ANKFN1: variants seen among roughly 807,000 people sequenced by gnomAD.
ANKFN1 encodes the protein ankyrin repeat and fibronectin type III domain containing 1, also known as ankyrin repeat and fibronectin type-III domain-containing protein 1.
In ANKFN1, 74 loss-of-function variants were observed where a neutral mutation model predicts 108.7. The ratio of observed to expected loss-of-function variants is 0.68; its 90% CI spans 0.56 to 0.83. The LOEUF is 0.83. Among genes scored for constraint, ANKFN1 ranks in the 40% least tolerant of loss-of-function variants. The pLI is 0.00. For missense variants in ANKFN1, 1,505 were observed against 1,382.3 expected (o/e 1.09, Z -1.41); for synonymous variants, 547 against 516.2 (o/e 1.06, Z -0.81).
At chr17:56,467,011 G>T (rs573124838) in intron 15 of ANKFN1, among the ~76,000 whole-genome samples, 2 of 152,076 alleles carry the variant, frequency 1.3e-5, no homozygotes, top group Non-Finnish European at 2.9e-5. Flanking sequence ...CAGCTGCTTG[G>T]GGGGCTGAGG....
chr17:56,430,423 TTAGG>T (rs2048714135), intron 8 of ANKFN1, among the ~76,000 whole-genome samples: 1 of 151,450 alleles, frequency 6.6e-6, no homozygotes, highest in South Asian at 2.1e-4. Context: ...AAAGTTATAG[TTAGG>T]TAGACTTCAG....
intron 4 of ANKFN1, among the ~76,000 whole-genome samples, chr17:56,117,250 A>G (rs1906337602): frequency 6.6e-6 from 1 of 152,164 alleles, no homozygotes; most frequent in Admixed American, 6.5e-5. Context: ...CTATTTGTTG[A>G]ATTTTCTATG....
intron 2 of ANKFN1, among the ~76,000 whole-genome samples, chr17:56,219,609 A>C (rs577870977): frequency 5.8e-4 from 88 of 152,340 alleles, no homozygotes; most frequent in Non-Finnish European, 1.0e-3. Context: ...TGATATTGAC[A>C]TGCTTTCTGA....
intron 14 of ANKFN1, among the ~76,000 whole-genome samples, chr17:56,465,114 T>C (rs1331718906): frequency 6.6e-6 from 1 of 152,146 alleles, no homozygotes; most frequent in Admixed American, 6.5e-5. Flanking sequence ...TTTTTCCTTT[T>C]TCACTAGCCA....
intron 1 of ANKFN1, among the ~76,000 whole-genome samples, chr17:56,189,273 C>T (rs1031347146): frequency 4.1e-4 from 58 of 142,688 alleles, no homozygotes; most frequent in Non-Finnish European, 4.7e-4. Context: ...CGGGTTCACG[C>T]CATTCTCCTG....
At chr17:56,376,134 C>A (rs1409372602) in intron 8 of ANKFN1, among the ~76,000 whole-genome samples, 1 of 152,132 alleles carries the variant, frequency 6.6e-6, no homozygotes, top group Admixed American at 6.5e-5. Context: ...CTCTCTCTGC[C>A]CACAAACATG....
chr17:56,257,873 C>G (rs543924615), intron 3 of ANKFN1: 99 of 152,346 alleles, frequency 6.5e-4, no homozygotes, highest in African/African-American at 2.3e-3. Flanking sequence ...GTCCTCTTCC[C>G]TCTCTCTAAC....
rs1056764717 is a variant in ANKFN1 at position 56,512,420 on chromosome 17, C to T, written c.*1151C>T. ...CCTCAAAATCATCTGGCCCAATTGG[C>T]ATCAGGGAAAATATGCTCAGAAGCC... On this transcript the variant is annotated 3_prime_UTR_variant, in exon 21 of 21. Transcript: ENST00000682825. Among the ~76,000 whole-genome samples the T allele has an allele frequency of 6.6e-6, 1 of 152,206 alleles. No individual in the cohort carries two copies. The highest frequency in any genetic ancestry group is 2.4e-5 in the African/African-American group (1 of 41,452).
chr17:56,385,269 G>A (rs2047227106), intron 8 of ANKFN1, among the ~76,000 whole-genome samples: 1 of 152,218 alleles, frequency 6.6e-6, no homozygotes, highest in African/African-American at 2.4e-5. Context: ...CTAGCCATAT[G>A]TAGAAAGCTG....
At chr17:56,187,348 C>G (rs1338384605) in intron 1 of ANKFN1, among the ~76,000 whole-genome samples, 2 of 152,222 alleles carry the variant, frequency 1.3e-5, no homozygotes, top group Non-Finnish European at 2.9e-5. Context: ...CTCATCATCA[C>G]TGGCCATCAG....
chr17:56,249,040 G>A (rs556210205), intron 3 of ANKFN1, among the ~76,000 whole-genome samples: 34 of 152,268 alleles, frequency 2.2e-4, no homozygotes, highest in African/African-American at 7.5e-4. Context: ...AAAATTCCAG[G>A]TCACCTACAG....
At chr17:56,504,084 T>C (rs1436827481) in intron 20 of ANKFN1, among the ~76,000 whole-genome samples, 1 of 152,222 alleles carries the variant, frequency 6.6e-6, no homozygotes, top group Non-Finnish European at 1.5e-5. Context: ...CCTGGAGATT[T>C]TCCCAGACTG....
chr17:56,067,464 A>G (rs1004426301), intron 4 of ANKFN1, among the ~76,000 whole-genome samples: 2 of 152,106 alleles, frequency 1.3e-5, no homozygotes, highest in African/African-American at 4.8e-5. Context: ...CCATACATGA[A>G]GCCTCAACTA....
chr17:56,112,142 GCTGT>G (rs1025996833), intron 4 of ANKFN1, among the ~76,000 whole-genome samples: 12 of 152,152 alleles, frequency 7.9e-5, no homozygotes, highest in Admixed American at 3.9e-4. Flanking sequence ...CTATTATGAT[GCTGT>G]CTTTTATTAG....
intron 3 of ANKFN1, among the ~76,000 whole-genome samples, chr17:56,267,983 G>A (rs940903323): frequency 1.3e-5 from 2 of 152,078 alleles, no homozygotes; most frequent in African/African-American, 2.4e-5. Flanking sequence ...ATTTCAGGAA[G>A]TATGGCTGCT....
At chr17:56,354,335 G>T (rs944020662) in intron 6 of ANKFN1, among the ~76,000 whole-genome samples, 1 of 152,192 alleles carries the variant, frequency 6.6e-6, no homozygotes, top group African/African-American at 2.4e-5. Context: ...TCCAAGTGAG[G>T]ATATAGAATA....
intron 4 of ANKFN1, among the ~76,000 whole-genome samples, chr17:56,072,893 A>G (rs16956631): frequency 0.11 from 16,585 of 152,216 alleles, 1,526 homozygotes; most frequent in African/African-American, 0.25. Flanking sequence ...GAAATTCCCA[A>G]ATGTATCCTG....
intron 3 of ANKFN1, among the ~76,000 whole-genome samples, chr17:56,308,936 T>A (rs142983706): frequency 6.6e-6 from 1 of 152,226 alleles, no homozygotes; most frequent in Non-Finnish European, 1.5e-5. Flanking sequence ...TCCTGGTATA[T>A]AATTATTTTT....
chr17:56,188,577 GTGTGTATATATA>G lies in ANKFN1; in HGVS notation c.-70-24019_-70-24008del, dbSNP rs1197629562. ...TGTGTGTGTGTATGTGTGTGTGTGT[GTGTGTATATATA>G]TATATATATATATATATATATATAT... On this transcript the variant is annotated intron_variant, in intron 1 of 20. Coordinates refer to ENST00000682825, the MANE Select transcript of ANKFN1 (RefSeq NM_001370326.1). Among the ~76,000 whole-genome samples, 13 of 80,762 alleles carry G rather than the reference GTGTGTATATATA, an allele frequency of 1.6e-4. 1 individual carries two copies. The highest frequency in any genetic ancestry group is 2.6e-4 in the African/African-American group (4 of 15,550). The allele number at this position is 80,762 out of a possible 152,430, so 53.0% of individuals were successfully genotyped here. A position where few individuals can be genotyped will look rare whatever the true frequency, so the allele number is the denominator to read the frequency against.
Sources: allele counts gnomAD v4.1 joint callset (sites outside exome capture counted in the v4.1 genomes callset), GRCh38; gene constraint gnomAD v4.1.1; transcripts MANE v1.5; gene names NCBI Gene and HGNC (gene_info 2026-07-23, HGNC 2026-07-21).